RORB: variants seen among roughly 807,000 people sequenced by gnomAD.
RORB encodes the protein nuclear receptor ROR-beta.
A neutral mutation model predicts 59.1 loss-of-function variants in RORB; 6 were observed. That is an observed-to-expected ratio of 0.10 (90% CI 0.06 to 0.20). The LOEUF (loss-of-function observed/expected upper bound fraction) is 0.20. RORB is among the 10% of genes least tolerant of loss of function. RORB has a pLI of 1.00. For synonymous variants in RORB, 215 were observed against 204.5 expected (o/e 1.05, Z -0.44); for missense variants, 320 against 560.5 (o/e 0.57, Z 4.33).
At chr9:74,512,853 C>T (rs1825960438) in intron 1 of RORB, among the ~76,000 whole-genome samples, 2 of 152,144 alleles carry the variant, frequency 1.3e-5, no homozygotes, top group African/African-American at 4.8e-5. Context: ...TGAACTCTCT[C>T]ACTCATTTCA....
intron 1 of RORB, among the ~76,000 whole-genome samples, chr9:74,588,036 G>A (rs1360179343): frequency 6.6e-6 from 1 of 152,088 alleles, no homozygotes; most frequent in Non-Finnish European, 1.5e-5. Context: ...TGGCTCTTAG[G>A]TTATAGAATT....
intron 1 of RORB, among the ~76,000 whole-genome samples, chr9:74,583,854 G>T (rs776929280): frequency 9.9e-5 from 15 of 152,202 alleles, no homozygotes; most frequent in Non-Finnish European, 2.1e-4. Context: ...AGTAAAAGAT[G>T]TCTCTTCCCT....
At position 74,604,435 on chromosome 9, in the gene RORB, C is replaced by T. The variant is rs138727810; in HGVS notation, c.8-25847C>T. ...ATTCCCAGTATTAACTATTCTTGGACCCACTAGTTGCAAGGGCATGGGCAA... is the reference window on the plus strand; with the variant it reads ...ATTCCCAGTATTAACTATTCTTGGATCCACTAGTTGCAAGGGCATGGGCAA... On this transcript the variant is annotated intron_variant, in intron 1 of 9. Transcript: ENST00000376896. Among the ~76,000 whole-genome samples the T allele has an allele frequency of 2.1e-4, 32 of 152,294 alleles. 1 individual carries two copies. The East Asian group carries it at 6.2e-3, about 29-fold the overall frequency.
chr9:74,525,060 C>T (rs1826138516), intron 1 of RORB, among the ~76,000 whole-genome samples: 1 of 151,860 alleles, frequency 6.6e-6, no homozygotes, highest in Non-Finnish European at 1.5e-5. Context: ...TAGTGATTTA[C>T]ATTCCTAATG....
intron 1 of RORB, among the ~76,000 whole-genome samples, chr9:74,545,750 A>G (rs1826476433): frequency 6.6e-6 from 1 of 152,176 alleles, no homozygotes; most frequent in Non-Finnish European, 1.5e-5. Context: ...AGTGCTCCTT[A>G]GAATATTAAC....
chr9:74,590,409 T>C (rs955129429), intron 1 of RORB, among the ~76,000 whole-genome samples: 1 of 152,234 alleles, frequency 6.6e-6, no homozygotes. Context: ...AATCTAAGAG[T>C]TGTAGTGGTT....
At position 74,502,319 on chromosome 9, in the gene RORB, C is replaced by T. The variant is rs180860516; in HGVS notation, c.7+4336C>T. 2.1e-3 allele frequency among the ~76,000 whole-genome samples: 323 copies of T among 151,926 alleles called. 1 individual carries two copies. Among genetic ancestry groups the T allele is most frequent in the African/African-American group, 7.3e-3 (304 of 41,496 alleles). On this transcript the variant is annotated intron_variant, in intron 1 of 9. Coordinates refer to ENST00000376896, the MANE Select transcript of RORB (RefSeq NM_006914.4). ...CTCATAATAATACCTACTTTTTTCC[C>T]CCAAAAGTAGCGTATACACAGTTGT...
chr9:74,580,240 A>C (rs1303973435), intron 1 of RORB, among the ~76,000 whole-genome samples: 1 of 152,150 alleles, frequency 6.6e-6, no homozygotes, highest in Non-Finnish European at 1.5e-5. Context: ...CAAGAGTGTA[A>C]GTGGAGGGAT....
At chr9:74,551,849 C>G (rs1235706232) in intron 1 of RORB, among the ~76,000 whole-genome samples, 1 of 152,068 alleles carries the variant, frequency 6.6e-6, no homozygotes, top group Non-Finnish European at 1.5e-5. Flanking sequence ...ACTTTTTCAC[C>G]CTTTTTTGTT....
intron 1 of RORB, among the ~76,000 whole-genome samples, chr9:74,575,528 A>G (rs1365656941): frequency 6.6e-6 from 1 of 152,160 alleles, no homozygotes; most frequent in Non-Finnish European, 1.5e-5. Context: ...CTGTGTTTTT[A>G]TGGATCACCT....
chr9:74,671,052 G>A (rs539996707), intron 8 of RORB, among the ~76,000 whole-genome samples: 1 of 152,068 alleles, frequency 6.6e-6, no homozygotes, highest in African/African-American at 2.4e-5. Flanking sequence ...TTTTGTCACC[G>A]TGGTGTATAA....
rs968137834 is a variant in RORB, at chr9:74,691,363, G to A, written c.*5745G>A. 14 of 152,138 alleles carry A rather than the reference G, an allele frequency of 9.2e-5. No individual in the cohort carries two copies. The highest frequency in any genetic ancestry group is 2.4e-4 in the African/African-American group (10 of 41,414). The allele number at this position is 152,138 out of a possible 1,614,324, so 9.4% of individuals were successfully genotyped here. On this transcript the variant is annotated 3_prime_UTR_variant, in exon 10 of 10. Coordinates refer to ENST00000376896, the MANE Select transcript of RORB (RefSeq NM_006914.4). ...GCAGTAGTTGGTGGCAAGCATTCGC[G>A]TGCCTCTGTCACAACCATACGTAGA...
rs1171095728 is a variant in RORB at position 74,691,109 on chromosome 9, C to T, written c.*5491C>T. The T allele has an allele frequency of 2.6e-5, 4 of 152,208 alleles. No individual in the cohort carries two copies. In the East Asian group the frequency reaches 7.7e-4, roughly 29 times the overall value. The allele number at this position is 152,208 out of a possible 1,614,324, so 9.4% of individuals were successfully genotyped here. A position where few individuals can be genotyped will look rare whatever the true frequency, so the allele number is the denominator to read the frequency against. ...GGTTGTCTGTTTGTGCACTTTTTTC[C>T]TAAGCTGCTGAAATTCCTCCGATGT... On this transcript the variant is annotated 3_prime_UTR_variant, in exon 10 of 10. Transcript: ENST00000376896.
chr9:74,536,923 AT>A (rs1224574901), intron 1 of RORB, among the ~76,000 whole-genome samples: 3 of 151,964 alleles, frequency 2.0e-5, no homozygotes, highest in African/African-American at 7.2e-5. Context: ...ACGAGGGAGA[AT>A]TCTCTCTTAT....
intron 1 of RORB, among the ~76,000 whole-genome samples, chr9:74,585,012 C>T (rs572013255): frequency 3.9e-5 from 6 of 152,304 alleles, no homozygotes; most frequent in East Asian, 3.9e-4. Flanking sequence ...CCCCATCCCC[C>T]GTCCAATCTC....
intron 1 of RORB, among the ~76,000 whole-genome samples, chr9:74,591,956 GAC>G (rs1340870117): frequency 3.3e-5 from 5 of 151,802 alleles, no homozygotes; most frequent in African/African-American, 4.8e-5. Context: ...GAGAGAGAGA[GAC>G]AGAGAGAGAG....
chr9:74,511,627 T>G (rs1825940965), intron 1 of RORB, among the ~76,000 whole-genome samples: 1 of 150,522 alleles, frequency 6.6e-6, no homozygotes, highest in South Asian at 2.1e-4. Flanking sequence ...AAAAAAAAAG[T>G]GTCAAGGTGA....
intron 1 of RORB, among the ~76,000 whole-genome samples, chr9:74,544,690 C>A (rs1200439095): frequency 2.6e-5 from 4 of 152,204 alleles, no homozygotes; most frequent in Non-Finnish European, 5.9e-5. Context: ...GTTTTTACCA[C>A]GCTTGTCCTG....
intron 1 of RORB, among the ~76,000 whole-genome samples, chr9:74,575,458 GA>G (rs1488495082): frequency 1.3e-5 from 2 of 152,078 alleles, no homozygotes; most frequent in Non-Finnish European, 2.9e-5. Flanking sequence ...GAAGCCCCCT[GA>G]GCAGTACAGG....
Sources: gnomAD v4.1 joint callset for allele counts (sites outside exome capture counted in the v4.1 genomes callset) on GRCh38, gnomAD v4.1.1 for gene constraint, MANE v1.5 for transcripts, NCBI Gene and HGNC (gene_info 2026-07-23, HGNC 2026-07-21) for gene names.